Variants in MAP3K15 observed in about 807,000 individuals in gnomAD.
The protein encoded by MAP3K15 is MAPK/ERK kinase kinase 15.
Under a neutral mutation model 99.5 loss-of-function variants are expected in MAP3K15, and 124 were observed. The observed-to-expected ratio is 1.25, with a 90% confidence interval of 1.08 to 1.45. The LOEUF (loss-of-function observed/expected upper bound fraction) is 1.45, where lower values mean the gene tolerates loss of function less well. MAP3K15 is among the 40% of genes most tolerant of loss of function. The pLI is 0.00. For synonymous variants in MAP3K15, 494 were observed against 439.6 expected (o/e 1.12, Z -1.55); for missense variants, 1,242 against 1,079.7 (o/e 1.15, Z -2.11).
chrX:19,368,617 G>A (rs778750818), intron 25 of MAP3K15, among the ~76,000 whole-genome samples: 1 of 111,897 alleles, frequency 8.9e-6, no homozygotes, highest in Admixed American at 9.5e-5. Flanking sequence ...AACTTCCTCG[G>A]GGTCGGGATT....
intron 6 of MAP3K15, among the ~76,000 whole-genome samples, chrX:19,440,567 C>T (rs193110229): frequency 5.0e-4 from 56 of 112,819 alleles, no homozygotes; most frequent in African/African-American, 1.8e-3. Flanking sequence ...TAGCTGCCAT[C>T]ATCCCAACCT....
At chrX:19,379,017 T>C (rs945446571) in intron 19 of MAP3K15, among the ~76,000 whole-genome samples, 3 of 111,242 alleles carry the variant, frequency 2.7e-5, no homozygotes, top group African/African-American at 9.8e-5. Flanking sequence ...CCTTACCCAC[T>C]GTAAGAGCAA....
chrX:19,475,390 T>C (rs1326807943), intron 3 of MAP3K15, among the ~76,000 whole-genome samples: 1 of 111,444 alleles, frequency 9.0e-6, no homozygotes, highest in Non-Finnish European at 1.9e-5. Flanking sequence ...GCTCACCTCC[T>C]GCTGTGCGGC....
intron 3 of MAP3K15, among the ~76,000 whole-genome samples, chrX:19,480,708 C>A (rs2064282843): frequency 9.6e-6 from 1 of 104,552 alleles, no homozygotes; most frequent in South Asian, 4.6e-4. Flanking sequence ...CACCTGTGAT[C>A]CCAGCTACTC....
At chrX:19,362,913 C>G (rs780729897) in intron 25 of MAP3K15, 63 bp from the exon 26 acceptor site, 1 of 605,866 alleles carries the variant, frequency 1.7e-6, no homozygotes, top group Non-Finnish European at 2.6e-6. Context: ...TTCAATTTAA[C>G]TCAAGCATCT....
rs1300681167 is a variant in MAP3K15, at chrX:19,456,965, C to T, written c.943G>A (p.Asp315Asn). The T allele has an allele frequency of 3.3e-6, 4 of 1,199,504 alleles. No individual in the cohort carries two copies. Among genetic ancestry groups the T allele is most frequent in the Middle Eastern group, 4.6e-4 (2 of 4,347 alleles). The change falls in exon 6 of 29, where the codon GAT becomes AAT. Residue 315 changes from aspartate (D) to asparagine (N), a missense_variant. Transcript: ENST00000338883. Reference sequence around the variant, plus strand: ...TTAATGTTATGCTGATCGGCCAAATCACACGTAGGCAGCATCTCCAGTGTT... The same window carrying T: ...TTAATGTTATGCTGATCGGCCAAATTACACGTAGGCAGCATCTCCAGTGTT... ...VETLEMLPTC[D>N]LADQHNIKFH... is the part of the protein sequence containing the mutation.
intron 24 of MAP3K15, among the ~76,000 whole-genome samples, chrX:19,369,668 T>A (rs2063360343): frequency 9.1e-6 from 1 of 110,103 alleles, no homozygotes; most frequent in African/African-American, 3.3e-5. Flanking sequence ...TGTAATCCCA[T>A]CACTTTGGGA....
At chrX:19,464,178 G>C in intron 4 of MAP3K15, 35 bp downstream of exon 4, 1 of 1,120,522 alleles carries the variant, frequency 8.9e-7, no homozygotes, top group African/African-American at 1.8e-5. Flanking sequence ...ATCTTGGTGA[G>C]TCTCCAGGGG....
intron 9 of MAP3K15, among the ~76,000 whole-genome samples, chrX:19,416,518 G>T (rs995060575): frequency 2.7e-5 from 3 of 111,550 alleles, no homozygotes; most frequent in Admixed American, 1.9e-4. Context: ...CATAGAGAGT[G>T]CCACTAGTGA....
At chrX:19,513,967 C>T (rs1226257854) in intron 1 of MAP3K15, among the ~76,000 whole-genome samples, 14 of 110,930 alleles carry the variant, frequency 1.3e-4, no homozygotes, top group African/African-American at 4.3e-4. Flanking sequence ...AGTCCCACTC[C>T]AGCAAAGGTG....
intron 3 of MAP3K15, among the ~76,000 whole-genome samples, chrX:19,470,687 T>G (rs2064202781): frequency 9.0e-6 from 1 of 111,497 alleles, no homozygotes; most frequent in South Asian, 3.7e-4. Context: ...AAGATCAGTA[T>G]CTGGAGTTTC....
At chrX:19,452,015 T>A (rs776214684) in intron 6 of MAP3K15, among the ~76,000 whole-genome samples, 1,014 of 99,953 alleles carry the variant, frequency 0.01, 9 homozygotes, top group African/African-American at 0.038. Flanking sequence ...GCCAAGATCA[T>A]GCCACTGCAC....
At chrX:19,505,076 A>G (rs754969086) in intron 1 of MAP3K15, among the ~76,000 whole-genome samples, 2 of 110,995 alleles carry the variant, frequency 1.8e-5, no homozygotes, top group African/African-American at 3.3e-5. Context: ...AAAATAAAAC[A>G]TTTGAAAAAG....
At chrX:19,496,293 C>G (rs1265432188) in intron 1 of MAP3K15, 1 of 110,882 alleles carries the variant, frequency 9.0e-6, no homozygotes, top group Non-Finnish European at 1.9e-5. Flanking sequence ...TCTTGAACTC[C>G]TGACCTCAAG....
chrX:19,507,574 T>C (rs1302284828), intron 1 of MAP3K15, among the ~76,000 whole-genome samples: 1 of 11,643 alleles, frequency 8.6e-5, no homozygotes, highest in Admixed American at 1.4e-3. Flanking sequence ...ACACCTTGTC[T>C]CAAAAAAAAA....
At chrX:19,467,168 C>A (rs185889501) in intron 3 of MAP3K15, among the ~76,000 whole-genome samples, 65 of 111,127 alleles carry the variant, frequency 5.8e-4, no homozygotes, top group Non-Finnish European at 4.7e-4. Flanking sequence ...ACATTTTATT[C>A]AAGAAAATCT....
At chrX:19,363,363 G>C (rs1458275717) in intron 25 of MAP3K15, among the ~76,000 whole-genome samples, 1 of 112,190 alleles carries the variant, frequency 8.9e-6, no homozygotes, top group Admixed American at 9.5e-5. Flanking sequence ...CTTGGACTTC[G>C]AGTCTCCAGA....
chrX:19,481,825 A>G (rs1353594598), intron 3 of MAP3K15: 1 of 111,566 alleles, frequency 9.0e-6, no homozygotes, highest in Non-Finnish European at 1.9e-5. Flanking sequence ...CTGCTGGTGG[A>G]AATGTAAAAT....
At chrX:19,422,698 A>G (rs1023548802) in intron 9 of MAP3K15, among the ~76,000 whole-genome samples, 1 of 112,160 alleles carries the variant, frequency 8.9e-6, no homozygotes, top group Non-Finnish European at 1.9e-5. Flanking sequence ...AAAGGATTAT[A>G]AATCATGCTG....
Sources: gnomAD v4.1 joint callset for allele counts (sites outside exome capture counted in the v4.1 genomes callset) on GRCh38, gnomAD v4.1.1 for gene constraint, MANE v1.5 for transcripts, NCBI Gene and HGNC (gene_info 2026-07-23, HGNC 2026-07-21) for gene names.